The following KYAT3 variants were observed in gnomAD, a reference collection of about 807,000 sequenced individuals.
KYAT3 encodes the protein kynurenine aminotransferase 3.
KYAT3 carries 50 observed loss-of-function variants against 59.0 expected under a neutral mutation model. That is an observed-to-expected ratio of 0.85 (90% CI 0.68 to 1.07). The LOEUF is 1.07. KYAT3 is among the 50% of genes least tolerant of loss of function. KYAT3 has a pLI of 0.00. For missense variants in KYAT3, 497 were observed against 533.3 expected (o/e 0.93, Z 0.67); for synonymous variants, 148 against 177.0 (o/e 0.84, Z 1.30).
intron 2 of KYAT3, among the ~76,000 whole-genome samples, chr1:88,970,194 A>G (rs939045579): frequency 1.3e-5 from 2 of 152,208 alleles, no homozygotes; most frequent in African/African-American, 2.4e-5. Context: ...TACAGGAAAG[A>G]CTCAACAAAT....
At chr1:88,982,834 T>G (rs1185589537) in intron 2 of KYAT3, 4 of 1,613,870 alleles carry the variant, frequency 2.5e-6, no homozygotes, top group African/African-American at 2.7e-5. Context: ...AGAGATCACT[T>G]CGGCTGCTTG....
chr1:88,949,606 G>C (rs1675594795), intron 10 of KYAT3, among the ~76,000 whole-genome samples: 1 of 152,210 alleles, frequency 6.6e-6, no homozygotes, highest in South Asian at 2.1e-4. Context: ...AGAATGACTT[G>C]CTAAATCTAA....
At chr1:88,983,811 G>T in intron 2 of KYAT3, 1 of 1,610,926 alleles carries the variant, frequency 6.2e-7, no homozygotes, top group Non-Finnish European at 8.5e-7. Flanking sequence ...TTTCCTGGGC[G>T]ATCTGCTTCA....
intron 2 of KYAT3, among the ~76,000 whole-genome samples, chr1:88,972,916 A>G (rs1192158930): frequency 1.3e-5 from 2 of 152,192 alleles, no homozygotes; most frequent in Non-Finnish European, 2.9e-5. Context: ...TATGGGTTGG[A>G]CCATGCCCCC....
intron 1 of KYAT3, among the ~76,000 whole-genome samples, chr1:88,992,190 G>C (rs1233485475): frequency 2.0e-5 from 3 of 152,160 alleles, no homozygotes; most frequent in Non-Finnish European, 4.4e-5. Context: ...GTGTTAGCCA[G>C]GATGGTCTCG....
intron 8 of KYAT3, among the ~76,000 whole-genome samples, chr1:88,959,862 C>T (rs1443062877): frequency 6.6e-6 from 1 of 151,272 alleles, no homozygotes; most frequent in Non-Finnish European, 1.5e-5. Flanking sequence ...TGCAACAATG[C>T]AACAATTTAA....
downstream of KYAT3, among the ~76,000 whole-genome samples, chr1:88,931,171 A>T (rs1238485737): frequency 6.6e-6 from 1 of 152,222 alleles, no homozygotes; most frequent in African/African-American, 2.4e-5. Flanking sequence ...TCAGATGGCC[A>T]AATCATTATT....
At chr1:88,942,857 C>T (rs555590485) in intron 13 of KYAT3, 148 bp downstream of exon 13, 3 of 640,374 alleles carry the variant, frequency 4.7e-6, no homozygotes, top group Non-Finnish European at 5.5e-6. Flanking sequence ...CCACCACGCC[C>T]AGCCAGTAAG....
chr1:88,992,768 G>A (rs111302044), upstream of KYAT3: 10,603 of 152,148 alleles, frequency 0.07, 1,243 homozygotes, highest in African/African-American at 0.24. Flanking sequence ...ACTGGATGAG[G>A]GGTGTTTTTT....
chr1:88,935,611 C>T (rs1294308809), downstream of KYAT3, among the ~76,000 whole-genome samples: 1 of 151,978 alleles, frequency 6.6e-6, no homozygotes, highest in Non-Finnish European at 1.5e-5. Context: ...CTGAAGCCAC[C>T]GCAAATAACA....
At chr1:88,984,663 T>C (rs1174786244) in intron 2 of KYAT3, among the ~76,000 whole-genome samples, 2 of 152,192 alleles carry the variant, frequency 1.3e-5, no homozygotes, top group Non-Finnish European at 2.9e-5. Flanking sequence ...AGATAATGTA[T>C]TTGGGGAAAA....
At chr1:88,975,393 T>C (rs1275777960) in intron 2 of KYAT3, among the ~76,000 whole-genome samples, 2 of 152,170 alleles carry the variant, frequency 1.3e-5, no homozygotes, top group Non-Finnish European at 2.9e-5. Context: ...CCTCGTGATC[T>C]GCCCACCTTG....
At chr1:88,988,217 G>T (rs778842802) in intron 2 of KYAT3, 35 bp downstream of exon 2, 2 of 1,400,916 alleles carry the variant, frequency 1.4e-6, no homozygotes, top group African/African-American at 1.4e-5. Context: ...TGCAGAATAT[G>T]TACAATAATT....
chr1:88,952,738 T>C (rs1271692343), intron 10 of KYAT3, among the ~76,000 whole-genome samples: 2 of 152,220 alleles, frequency 1.3e-5, no homozygotes, highest in African/African-American at 4.8e-5. Context: ...AACACAACTT[T>C]AGGGTAAATT....
chr1:88,945,962 C>T (rs1675424798), intron 11 of KYAT3, among the ~76,000 whole-genome samples: 1 of 152,186 alleles, frequency 6.6e-6, no homozygotes, highest in Non-Finnish European at 1.5e-5. Flanking sequence ...CTCCTATTAT[C>T]ACCACACTAG....
At chr1:88,940,325 G>A (rs985797470) in intron 13 of KYAT3, among the ~76,000 whole-genome samples, 14 of 152,224 alleles carry the variant, frequency 9.2e-5, no homozygotes, top group African/African-American at 3.1e-4. Context: ...TCCTGCCTCG[G>A]CCTCCCAAAG....
chr1:88,947,006 C>T (rs990415363), intron 11 of KYAT3, among the ~76,000 whole-genome samples: 1 of 152,172 alleles, frequency 6.6e-6, no homozygotes, highest in African/African-American at 2.4e-5. Context: ...CTTAGTCACC[C>T]TTGACACAAT....
At chr1:88,982,108 G>C (rs138844612) in intron 2 of KYAT3, 1 of 986,640 alleles carries the variant, frequency 1.0e-6, no homozygotes, top group East Asian at 1.1e-4. Context: ...TTATCCATTT[G>C]CTTTTTTTGG....
chr1:88,952,928 C>T (rs1675742381), intron 10 of KYAT3, 135 bp downstream of exon 10: 2 of 585,046 alleles, frequency 3.4e-6, no homozygotes, highest in Admixed American at 3.0e-5. Context: ...TATCTGCTCC[C>T]CAAATTCCAA....
Sources: allele counts gnomAD v4.1 joint callset (sites outside exome capture counted in the v4.1 genomes callset), GRCh38; gene constraint gnomAD v4.1.1; transcripts MANE v1.5; gene names NCBI Gene and HGNC (gene_info 2026-07-23, HGNC 2026-07-21).